HKDC1: variants seen among roughly 807,000 people sequenced by gnomAD.
HKDC1 encodes the protein hexokinase domain containing 1.
A neutral mutation model predicts 96.6 loss-of-function variants in HKDC1; 66 were observed. The ratio of observed to expected loss-of-function variants is 0.68; its 90% CI spans 0.56 to 0.84. HKDC1 has a LOEUF of 0.84. Among genes scored for constraint, HKDC1 ranks in the 40% least tolerant of loss-of-function variants. HKDC1 has a pLI of 0.00. For synonymous variants in HKDC1, 466 were observed against 473.1 expected (o/e 0.98, Z 0.20); for missense variants, 1,211 against 1,208.1 (o/e 1.00, Z -0.04).
intron 16 of HKDC1, among the ~76,000 whole-genome samples, chr10:69,264,942 T>C (rs1843867845): frequency 6.6e-6 from 1 of 152,212 alleles, no homozygotes; most frequent in African/African-American, 2.4e-5. Flanking sequence ...TCTCTGCATG[T>C]GTTTACAGTC....
chr10:69,264,952 C>A lies in HKDC1; in HGVS notation c.2373-633C>A, dbSNP rs2132382998. ...GTGTTTCTCTGCATGTGTTTACAGT[C>A]CTATCAGGTTCCCCTTCTCTAAGGT... On this transcript the variant is annotated intron_variant, in intron 16 of 17. Coordinates refer to ENST00000354624, the MANE Select transcript of HKDC1 (RefSeq NM_025130.4). Among the ~76,000 whole-genome samples the A allele has an allele frequency of 2.0e-5, 3 of 152,184 alleles. No individual in the cohort carries two copies. The South Asian group carries it at 6.2e-4, about 32-fold the overall frequency.
At chr10:69,263,390 C>T (rs1044089351) in intron 16 of HKDC1, among the ~76,000 whole-genome samples, 2 of 152,042 alleles carry the variant, frequency 1.3e-5, no homozygotes, top group South Asian at 2.1e-4. Context: ...TGAGCCACCG[C>T]GCCTGGCCAG....
At chr10:69,231,101 T>C (rs1174653442) in intron 2 of HKDC1, among the ~76,000 whole-genome samples, 1 of 152,124 alleles carries the variant, frequency 6.6e-6, no homozygotes, top group Non-Finnish European at 1.5e-5. Context: ...AGGTGTTTGA[T>C]AGTGATTGCG....
chr10:69,257,345 G>T lies in HKDC1; in HGVS notation c.1951G>T (p.Val651Phe), dbSNP rs940963088. The T allele has an allele frequency of 6.2e-6, 10 of 1,613,800 alleles. No homozygotes were observed. Among genetic ancestry groups the T allele is most frequent in the Non-Finnish European group, 7.6e-6 (9 of 1,179,666 alleles). The change falls in exon 14 of 18, where the codon GTT becomes TTT. Residue 651 changes from valine (V) to phenylalanine (F), a missense_variant. Coordinates refer to ENST00000354624, the MANE Select transcript of HKDC1 (RefSeq NM_025130.4). ...TTTTTAGGAGTTTGACCTGGACATT[G>T]TTGCAGTCGTGAATGATACAGTGGG... ...KRRNEFDLDI[V>F]AVVNDTVGTM...
At chr10:69,252,973 CGTGT>C (rs57083436) in intron 12 of HKDC1, among the ~76,000 whole-genome samples, 4,238 of 140,094 alleles carry the variant, frequency 0.03, 86 homozygotes, top group African/African-American at 0.047. Context: ...CATCTCTAAA[CGTGT>C]GTGTGTGTGT....
rs571840144 is a variant in HKDC1, at chr10:69,255,681, C to T, written c.1837-1355C>T. Among the ~76,000 whole-genome samples, 782 of 152,148 alleles carry T rather than the reference C, an allele frequency of 5.1e-3. 5 individuals are homozygous for T. Among genetic ancestry groups the T allele is most frequent in the Non-Finnish European group, 9.0e-3 (609 of 68,008 alleles). On this transcript the variant is annotated intron_variant, in intron 12 of 17. Transcript: ENST00000354624. ...CCTGTAATCTCAGCAATTTGGGAGG[C>T]CGAGGAGGGTGGATCACTTGAGGTC...
intron 14 of HKDC1, among the ~76,000 whole-genome samples, chr10:69,257,832 A>G (rs942416781): frequency 9.2e-5 from 14 of 152,152 alleles, no homozygotes; most frequent in Admixed American, 2.0e-4. Flanking sequence ...AGGAGCTGGA[A>G]AGAAACTTAG....
intron 4 of HKDC1, 36 bp from the exon 5 acceptor site, chr10:69,239,006 T>A: frequency 6.7e-7 from 1 of 1,487,552 alleles, no homozygotes; most frequent in Non-Finnish European, 9.4e-7. Flanking sequence ...TCTCAGCACG[T>A]CTTTCATTCA....
At chr10:69,264,558 G>T (rs1040948080) in intron 16 of HKDC1, among the ~76,000 whole-genome samples, 1 of 151,970 alleles carries the variant, frequency 6.6e-6, no homozygotes. Flanking sequence ...TTAGAGATGG[G>T]GTCTTGTTAT....
At position 69,227,315 on chromosome 10, in the gene HKDC1, A is replaced by T. The variant is rs149191020; in HGVS notation, c.172A>T (p.Thr58Ser). Reference protein sequence around the residue: ...EKGLAKDTNPTAAVKMLPTFV... With the variant: ...EKGLAKDTNPSAAVKMLPTFV... ...GGGCCTGGCAAAGGACACCAACCCC[A>T]CGGCTGCAGTGAAGATGTTGCCCAC... The change falls in exon 2 of 18, where the codon ACG becomes TCG. Residue 58 changes from threonine (T) to serine (S), a missense_variant. Coordinates refer to ENST00000354624, the MANE Select transcript of HKDC1 (RefSeq NM_025130.4). The T allele has an allele frequency of 2.3e-4, 371 of 1,614,028 alleles. 1 individual carries two copies. In the African/African-American group the frequency reaches 4.3e-3, roughly 19 times the overall value.
intron 17 of HKDC1, among the ~76,000 whole-genome samples, chr10:69,266,051 C>A (rs1394209126): frequency 6.6e-6 from 1 of 152,218 alleles, no homozygotes; most frequent in Non-Finnish European, 1.5e-5. Context: ...CTCTAAACCC[C>A]AGGTTCCTCA....
At position 69,248,463 on chromosome 10, in the gene HKDC1, C is replaced by A; in HGVS notation, c.1305C>A (p.Val435=). 1.3e-6 allele frequency: 2 copies of A among 1,595,760 alleles called. No individual in the cohort carries two copies. Among genetic ancestry groups the A allele is most frequent in the South Asian group, 1.1e-5 (1 of 88,808 alleles). Residue 435 remains valine, a synonymous_variant, in exon 10 of 18, where the codon GTC becomes GTA. Transcript: ENST00000354624. ...TGCACAAGGTGGTGAGGAAACTGGT[C>A]CCAAGCTGTGATGTCCGCTTCCTCC... ...KRLHKVVRKL[V]PSCDVRFLLS...
intron 2 of HKDC1, among the ~76,000 whole-genome samples, chr10:69,228,745 A>G (rs1843200953): frequency 1.3e-5 from 2 of 152,142 alleles, no homozygotes; most frequent in Non-Finnish European, 2.9e-5. Flanking sequence ...ATGCACCTGT[A>G]ATCCCAGCTA....
intron 2 of HKDC1, among the ~76,000 whole-genome samples, chr10:69,229,915 A>G (rs1279619360): frequency 6.6e-6 from 1 of 152,166 alleles, no homozygotes; most frequent in African/African-American, 2.4e-5. Context: ...GTGCTTTAAC[A>G]TCTCTAAAAT....
chr10:69,236,023 C>A (rs937417038), intron 4 of HKDC1, among the ~76,000 whole-genome samples: 2 of 152,144 alleles, frequency 1.3e-5, no homozygotes, highest in African/African-American at 2.4e-5. Context: ...GAGTAGCCCA[C>A]CCCAAGTTCA....
At chr10:69,259,455 G>GA (rs1432267152) in intron 15 of HKDC1, among the ~76,000 whole-genome samples, 2 of 152,268 alleles carry the variant, frequency 1.3e-5, no homozygotes, top group South Asian at 2.1e-4. Context: ...CTAACCACAT[G>GA]AAAAATACTG....
chr10:69,242,429 GAAA>G (rs5785904), intron 6 of HKDC1, among the ~76,000 whole-genome samples: 3 of 115,360 alleles, frequency 2.6e-5, no homozygotes, highest in Non-Finnish European at 3.4e-5. Context: ...AGATACTGAA[GAAA>G]AAAAAAAAAA....
chr10:69,242,140 C>G (rs182264071), intron 6 of HKDC1, among the ~76,000 whole-genome samples: 194 of 152,286 alleles, frequency 1.3e-3, no homozygotes, highest in African/African-American at 4.5e-3. Context: ...CAAGACCCTC[C>G]TCAGCCTGGC....
At position 69,265,647 on chromosome 10, in the gene HKDC1, G is replaced by A. The variant is rs200523420; in HGVS notation, c.2435G>A (p.Cys812Tyr). 28 of 1,614,110 alleles carry A rather than the reference G, an allele frequency of 1.7e-5. No homozygotes were observed. The East Asian group carries it at 6.2e-4, about 36-fold the overall frequency. Reference sequence around the variant, plus strand: ...CAGCAGCTGGGCCTGGACAGCACGTGTGAGGACAGCATCGTGGTGAAGGAG... The same window carrying A: ...CAGCAGCTGGGCCTGGACAGCACGTATGAGGACAGCATCGTGGTGAAGGAG... Reference protein sequence around the residue: ...ILQQLGLDSTCEDSIVVKEVC... With the variant: ...ILQQLGLDSTYEDSIVVKEVC... Residue 812 changes from cysteine (C) to tyrosine (Y), a missense_variant, in exon 17 of 18, where the codon TGT becomes TAT. Physicochemically the swap from Cys to Tyr is radical, Grantham distance 194. Transcript: ENST00000354624.
Sources: allele counts gnomAD v4.1 joint callset (sites outside exome capture counted in the v4.1 genomes callset), GRCh38; gene constraint gnomAD v4.1.1; transcripts MANE v1.5; gene names NCBI Gene and HGNC (gene_info 2026-07-23, HGNC 2026-07-21).